Variants in ADAMTS16 observed in about 807,000 individuals in gnomAD.
The protein encoded by ADAMTS16 is A disintegrin and metalloproteinase with thrombospondin motifs 16.
Under a neutral mutation model 145.8 loss-of-function variants are expected in ADAMTS16, and 94 were observed. That is an observed-to-expected ratio of 0.64 (90% CI 0.55 to 0.77). ADAMTS16 has a LOEUF of 0.77. Ranked by LOEUF, ADAMTS16 falls within the 30% of genes least tolerant of loss-of-function variation. ADAMTS16 has a pLI of 0.00. For synonymous variants in ADAMTS16, 659 were observed against 604.3 expected (o/e 1.09, Z -1.33); for missense variants, 1,585 against 1,591.5 (o/e 1.00, Z 0.07).
chr5:5,250,573 G>A (rs1359485076), intron 17 of ADAMTS16, among the ~76,000 whole-genome samples: 2 of 152,170 alleles, frequency 1.3e-5, no homozygotes, highest in Admixed American at 1.3e-4. Context: ...ATGAGTGTTG[G>A]GGCCCAGGCC....
intron 3 of ADAMTS16, among the ~76,000 whole-genome samples, chr5:5,180,766 T>C (rs1735316357): frequency 6.6e-6 from 1 of 152,224 alleles, no homozygotes; most frequent in African/African-American, 2.4e-5. Flanking sequence ...TTCTAATCCT[T>C]ACACTATATT....
intron 10 of ADAMTS16, among the ~76,000 whole-genome samples, chr5:5,210,125 G>A (rs532164522): frequency 2.0e-5 from 3 of 152,294 alleles, no homozygotes; most frequent in South Asian, 2.1e-4. Flanking sequence ...CTGTAAATCC[G>A]TCAGCAGCAG....
chr5:5,239,287 G>C lies in ADAMTS16; in HGVS notation c.2278+13G>C, dbSNP rs1196585071. On this transcript the variant is annotated intron_variant, in intron 15 of 22. Transcript: ENST00000274181. ...CACCACACCAACCGTGAGTACTTTA[G>C]AGCTGCCTGCAAGCCTTGGGCAAAG... The C allele has an allele frequency of 6.5e-7, 1 of 1,534,650 alleles. No individual in the cohort carries two copies. The highest frequency in any genetic ancestry group is 2.2e-5 in the Admixed American group (1 of 44,520).
At chr5:5,152,965 C>A (rs1734514481) in intron 3 of ADAMTS16, among the ~76,000 whole-genome samples, 1 of 152,214 alleles carries the variant, frequency 6.6e-6, no homozygotes, top group African/African-American at 2.4e-5. Context: ...TCCAAGACCA[C>A]TTTATTATCC....
chr5:5,169,110 A>G (rs1340870554), intron 3 of ADAMTS16, among the ~76,000 whole-genome samples: 2 of 152,078 alleles, frequency 1.3e-5, no homozygotes, highest in African/African-American at 4.8e-5. Flanking sequence ...CTTCATAGGT[A>G]TCAGTTCCTA....
At chr5:5,266,027 T>TGTGTGTGA (rs1451688951) in intron 18 of ADAMTS16, among the ~76,000 whole-genome samples, 1 of 142,398 alleles carries the variant, frequency 7.0e-6, no homozygotes, top group African/African-American at 2.6e-5. Flanking sequence ...TGTGTGTGTG[T>TGTGTGTGA]GACTTTCACA....
intron 3 of ADAMTS16, among the ~76,000 whole-genome samples, chr5:5,172,391 C>A (rs1735065381): frequency 6.6e-6 from 1 of 151,894 alleles, no homozygotes; most frequent in Admixed American, 6.6e-5. Context: ...TACCTATAAA[C>A]TTTTCTTTTA....
rs189683554 is a variant in ADAMTS16 at position 5,149,306 on chromosome 5, G to A, written c.501+2851G>A. On this transcript the variant is annotated intron_variant, in intron 3 of 22. Transcript: ENST00000274181. ...AATTGTCATTAGAGATCTGTTTGTG[G>A]TCACCAAACACAAGCACATAAATGT... Among the ~76,000 whole-genome samples, 5 of 152,030 alleles carry A rather than the reference G, an allele frequency of 3.3e-5. No individual in the cohort carries two copies. In the East Asian group the frequency reaches 9.7e-4, roughly 29 times the overall value.
At position 5,180,115 on chromosome 5, in the gene ADAMTS16, G is replaced by A. The variant is rs551609404; in HGVS notation, c.502-1929G>A. ...ACATTAATGTGAGCGAACTCTCCCC[G>A]CAACTCCCAAGTAAGAATCAGACCC... On this transcript the variant is annotated intron_variant, in intron 3 of 22. Transcript: ENST00000274181. Among the ~76,000 whole-genome samples the A allele has an allele frequency of 2.6e-5, 4 of 152,132 alleles. No individual in the cohort carries two copies. In the East Asian group the frequency reaches 5.8e-4, roughly 22 times the overall value.
chr5:5,161,827 A>G (rs1331528541), intron 3 of ADAMTS16, among the ~76,000 whole-genome samples: 1 of 152,210 alleles, frequency 6.6e-6, no homozygotes, highest in Non-Finnish European at 1.5e-5. Flanking sequence ...GTGGGTCTTC[A>G]GAAATGGTTC....
At chr5:5,290,732 G>T (rs1275424197) in intron 18 of ADAMTS16, among the ~76,000 whole-genome samples, 1 of 152,174 alleles carries the variant, frequency 6.6e-6, no homozygotes, top group Non-Finnish European at 1.5e-5. Context: ...AGCTTCTCTT[G>T]GGAGTTAATC....
intron 9 of ADAMTS16, among the ~76,000 whole-genome samples, chr5:5,204,124 C>A (rs1462462583): frequency 6.6e-6 from 1 of 152,080 alleles, no homozygotes; most frequent in East Asian, 1.9e-4. Flanking sequence ...CTTGTTCACG[C>A]ATGTCTGGGA....
At chr5:5,193,667 G>A (rs1735725653) in intron 8 of ADAMTS16, among the ~76,000 whole-genome samples, 1 of 152,208 alleles carries the variant, frequency 6.6e-6, no homozygotes, top group Admixed American at 6.5e-5. Flanking sequence ...TGTCAAGCAA[G>A]TATCAGTGTT....
At chr5:5,261,075 A>C (rs950572831) in intron 17 of ADAMTS16, among the ~76,000 whole-genome samples, 1 of 152,302 alleles carries the variant, frequency 6.6e-6, no homozygotes, top group Non-Finnish European at 1.5e-5. Flanking sequence ...AATCACTCTT[A>C]GATCTGAATA....
chr5:5,290,021 T>C (rs1739246579), intron 18 of ADAMTS16, among the ~76,000 whole-genome samples: 1 of 152,248 alleles, frequency 6.6e-6, no homozygotes, highest in Non-Finnish European at 1.5e-5. Context: ...TCTACGGTCA[T>C]CTCATTATTA....
chr5:5,223,225 C>T, intron 11 of ADAMTS16: 1 of 239,322 alleles, frequency 4.2e-6, no homozygotes, highest in Non-Finnish European at 8.2e-6. Context: ...GTGAAAGCCA[C>T]AGAACATCGG....
chr5:5,178,094 A>C (rs1735246951), intron 3 of ADAMTS16, among the ~76,000 whole-genome samples: 1 of 152,374 alleles, frequency 6.6e-6, no homozygotes, highest in East Asian at 1.9e-4. Context: ...AATATACTAC[A>C]GTAAACATCC....
chr5:5,259,277 T>C (rs1032817671), intron 17 of ADAMTS16, among the ~76,000 whole-genome samples: 5 of 152,222 alleles, frequency 3.3e-5, no homozygotes, highest in Non-Finnish European at 7.3e-5. Context: ...TTGTCCAGCA[T>C]CACTGATGGG....
intron 3 of ADAMTS16, among the ~76,000 whole-genome samples, chr5:5,148,419 A>T (rs1474368190): frequency 6.6e-6 from 1 of 152,238 alleles, no homozygotes; most frequent in Non-Finnish European, 1.5e-5. Flanking sequence ...TATCTGTTTA[A>T]TTTGTAGGAT....
Sources: gnomAD v4.1 joint callset for allele counts (sites outside exome capture counted in the v4.1 genomes callset) on GRCh38, gnomAD v4.1.1 for gene constraint, MANE v1.5 for transcripts, NCBI Gene and HGNC (gene_info 2026-07-23, HGNC 2026-07-21) for gene names.